CDH13: variants seen among roughly 807,000 people sequenced by gnomAD.
CDH13 encodes the protein cadherin-13.
In CDH13, 24 loss-of-function variants were observed where a neutral mutation model predicts 63.8. That is an observed-to-expected ratio of 0.38 (90% CI 0.27 to 0.53). The LOEUF is 0.53. CDH13 is among the 20% of genes least tolerant of loss of function. CDH13 has a pLI of 0.85. For missense variants in CDH13, 1,049 were observed against 903.1 expected, an observed-to-expected ratio of 1.16 and a Z score of -2.07; for synonymous variants, 503 against 355.3, an observed-to-expected ratio of 1.42 and a Z score of -4.67.
intron 3 of CDH13, 39 bp from the exon 4 acceptor site, chr16:83,125,346 A>G (rs767289896): frequency 2.5e-5 from 27 of 1,098,616 alleles, no homozygotes; most frequent in East Asian, 7.2e-5. Context: ...CATCATTTCA[A>G]TGGGAGATTT....
intron 2 of CDH13, among the ~76,000 whole-genome samples, chr16:82,961,711 G>A (rs570975179): frequency 1.3e-4 from 20 of 152,140 alleles, no homozygotes; most frequent in Admixed American, 9.2e-4. Flanking sequence ...CCAGGAATGA[G>A]AACAAACTGG....
chr16:83,303,368 T>G (rs1424190), intron 5 of CDH13, among the ~76,000 whole-genome samples: 151,641 of 152,312 alleles, frequency 1, 75,489 homozygotes, highest in Middle Eastern at 1. Context: ...CATTGGGGAA[T>G]GAGAGATTGA....
chr16:83,218,912 T>C (rs1165616600), intron 5 of CDH13, among the ~76,000 whole-genome samples: 1 of 152,218 alleles, frequency 6.6e-6, no homozygotes, highest in Non-Finnish European at 1.5e-5. Context: ...GGAGTTCCCC[T>C]GCACATGCTT....
At chr16:83,317,899 C>T (rs747918672) in intron 5 of CDH13, among the ~76,000 whole-genome samples, 1 of 152,078 alleles carries the variant, frequency 6.6e-6, no homozygotes, top group African/African-American at 2.4e-5. Context: ...TGCTGAAAGT[C>T]ACCCAGCTTT....
Position 82,806,027 on chromosome 16 carries a change from A to T in CDH13, c.46-52335A>T, listed in dbSNP as rs528474420. 2.0e-5 allele frequency among the ~76,000 whole-genome samples: 3 copies of T among 152,314 alleles called. No individual in the cohort carries two copies. The South Asian group carries it at 6.2e-4, about 32-fold the overall frequency. On this transcript the variant is annotated intron_variant, in intron 1 of 13. Transcript: ENST00000567109. Reference sequence around the variant, plus strand: ...TCATTGAGCTTACAAGGCACATGGCAGGTGGGAGGCACTCTGGCATCCACT... The same window carrying T: ...TCATTGAGCTTACAAGGCACATGGCTGGTGGGAGGCACTCTGGCATCCACT...
intron 1 of CDH13, among the ~76,000 whole-genome samples, chr16:82,647,381 C>T (rs58511833): frequency 0.23 from 35,081 of 152,020 alleles, 4,207 homozygotes; most frequent in Middle Eastern, 0.28. Flanking sequence ...AAAGCGGATG[C>T]TGTGAGGAGG....
chr16:83,574,108 C>A (rs1904892488), intron 7 of CDH13, among the ~76,000 whole-genome samples: 1 of 152,078 alleles, frequency 6.6e-6, no homozygotes, highest in Non-Finnish European at 1.5e-5. Context: ...GAAAAAGAGA[C>A]CCTGCAGCAT....
rs78435164 is a variant in CDH13 at position 83,609,400 on chromosome 16, C to T, written c.1101+6806C>T. On this transcript the variant is annotated intron_variant, in intron 8 of 13. Transcript: ENST00000567109. Reference sequence around the variant, plus strand: ...AAAACTAATCTTTAAATCAATGACACATATTAGCTAAGTTGTCATCCACAT... The same window carrying T: ...AAAACTAATCTTTAAATCAATGACATATATTAGCTAAGTTGTCATCCACAT... 1.5e-3 allele frequency among the ~76,000 whole-genome samples: 224 copies of T among 147,016 alleles called. 1 individual carries two copies. Among genetic ancestry groups the T allele is most frequent in the African/African-American group, 5.5e-3 (217 of 39,542 alleles).
intron 1 of CDH13, among the ~76,000 whole-genome samples, chr16:82,659,110 G>T (rs1271641000): frequency 6.6e-6 from 1 of 152,162 alleles, no homozygotes; most frequent in Non-Finnish European, 1.5e-5. Context: ...AATGCCAGAA[G>T]AAAACAGTGC....
At chr16:83,746,637 A>G (rs1912611511) in intron 10 of CDH13, among the ~76,000 whole-genome samples, 1 of 151,994 alleles carries the variant, frequency 6.6e-6, no homozygotes, top group Non-Finnish European at 1.5e-5. Flanking sequence ...CTGGCCATAC[A>G]AGGCAGAGAA....
intron 10 of CDH13, among the ~76,000 whole-genome samples, chr16:83,741,219 G>A (rs541639100): frequency 1.3e-5 from 2 of 152,278 alleles, no homozygotes; most frequent in African/African-American, 2.4e-5. Flanking sequence ...ATAGCTACAT[G>A]AGCTATTTTA....
At chr16:83,681,305 G>T (rs1915384618) in intron 10 of CDH13, among the ~76,000 whole-genome samples, 1 of 152,176 alleles carries the variant, frequency 6.6e-6, no homozygotes, top group Non-Finnish European at 1.5e-5. Flanking sequence ...TAGAGCTGCA[G>T]TGTGTCTCTG....
At chr16:83,119,953 G>T (rs894664300) in intron 3 of CDH13, among the ~76,000 whole-genome samples, 6 of 152,146 alleles carry the variant, frequency 3.9e-5, no homozygotes, top group African/African-American at 9.7e-5. Context: ...GCCCAGAAAC[G>T]CAGAGCCATG....
chr16:83,583,045 T>A (rs965677354), intron 7 of CDH13, among the ~76,000 whole-genome samples: 2 of 152,170 alleles, frequency 1.3e-5, no homozygotes, highest in South Asian at 2.1e-4. Context: ...CCTTGCTGTC[T>A]CTCGTGGTCC....
At position 83,274,984 on chromosome 16, in the gene CDH13, C is replaced by T. The variant is rs555670589; in HGVS notation, c.636+57487C>T. On this transcript the variant is annotated intron_variant, in intron 5 of 13. Transcript: ENST00000567109. ...CTTATTTAAAATTCCATACTTCCAGCCCTGTCTGACCCGGCACTCCCTATA... is the reference window on the plus strand; with the variant it reads ...CTTATTTAAAATTCCATACTTCCAGTCCTGTCTGACCCGGCACTCCCTATA... Among the ~76,000 whole-genome samples, 78 of 152,288 alleles carry T rather than the reference C, an allele frequency of 5.1e-4. 1 individual carries two copies. Among genetic ancestry groups the T allele is most frequent in the African/African-American group, 1.6e-3 (67 of 41,562 alleles).
chr16:83,107,482 C>T (rs529980640), intron 3 of CDH13, among the ~76,000 whole-genome samples: 1 of 152,216 alleles, frequency 6.6e-6, no homozygotes, highest in Non-Finnish European at 1.5e-5. Flanking sequence ...TAGACCAATG[C>T]AGCCTTCTTT....
At chr16:83,537,280 C>A (rs2075209796) in intron 7 of CDH13, among the ~76,000 whole-genome samples, 1 of 152,186 alleles carries the variant, frequency 6.6e-6, no homozygotes, top group African/African-American at 2.4e-5. Flanking sequence ...CCTGAGCCAA[C>A]TGGGACAATG....
At chr16:82,778,766 A>C (rs945633421) in intron 1 of CDH13, among the ~76,000 whole-genome samples, 11 of 152,288 alleles carry the variant, frequency 7.2e-5, no homozygotes, top group African/African-American at 2.6e-4. Context: ...CACGCAAGGC[A>C]CTAGGAACCC....
intron 3 of CDH13, among the ~76,000 whole-genome samples, chr16:83,124,466 C>G (rs1261454742): frequency 1.3e-5 from 2 of 151,122 alleles, no homozygotes; most frequent in Admixed American, 1.3e-4. Flanking sequence ...TCTGCTTAGT[C>G]TGTTGATTGC....
Sources: allele counts gnomAD v4.1 joint callset (sites outside exome capture counted in the v4.1 genomes callset), GRCh38; gene constraint gnomAD v4.1.1; transcripts MANE v1.5; gene names NCBI Gene and HGNC (gene_info 2026-07-23, HGNC 2026-07-21).